The following ARHGEF3 variants were observed in gnomAD, a reference collection of about 807,000 sequenced individuals.
ARHGEF3 encodes 59.8 kDA protein.
A neutral mutation model predicts 63.2 loss-of-function variants in ARHGEF3; 28 were observed. The observed-to-expected ratio is 0.44, with a 90% confidence interval of 0.33 to 0.61. The LOEUF (loss-of-function observed/expected upper bound fraction) is 0.61. Ranked by LOEUF, ARHGEF3 falls within the 20% of genes least tolerant of loss-of-function variation. ARHGEF3 has a pLI of 0.03. For missense variants in ARHGEF3, 533 were observed against 659.3 expected (o/e 0.81, Z 2.10); for synonymous variants, 266 against 254.2 (o/e 1.05, Z -0.44).
At chr3:56,783,969 T>A (rs1290037485) in intron 1 of ARHGEF3, among the ~76,000 whole-genome samples, 1 of 152,242 alleles carries the variant, frequency 6.6e-6, no homozygotes, top group Middle Eastern at 3.2e-3. Flanking sequence ...TACTTAACCT[T>A]GGGCAGAGGG....
intron 4 of ARHGEF3, among the ~76,000 whole-genome samples, chr3:56,848,151 T>C (rs2039551162): frequency 6.6e-6 from 1 of 152,110 alleles, no homozygotes; most frequent in Non-Finnish European, 1.5e-5. Flanking sequence ...TATCTGTGGA[T>C]TAAATGATAG....
chr3:56,829,954 G>T (rs1347242796), intron 4 of ARHGEF3, among the ~76,000 whole-genome samples: 1 of 152,162 alleles, frequency 6.6e-6, no homozygotes, highest in East Asian at 1.9e-4. Flanking sequence ...AGACAGTTTA[G>T]GATTTACTAT....
intron 2 of ARHGEF3, among the ~76,000 whole-genome samples, chr3:57,021,731 G>A (rs1221335722): frequency 2.1e-5 from 3 of 145,102 alleles, no homozygotes; most frequent in Non-Finnish European, 3.0e-5. Context: ...CCAGCCTGGC[G>A]ACAGAGGAAG....
intron 4 of ARHGEF3, among the ~76,000 whole-genome samples, chr3:56,833,938 T>C (rs1201272911): frequency 6.8e-6 from 1 of 146,478 alleles, no homozygotes; most frequent in Non-Finnish European, 1.5e-5. Context: ...ATTTTTACTC[T>C]TGTCACCCAG....
chr3:56,803,963 C>A (rs1191611507), upstream of ARHGEF3, among the ~76,000 whole-genome samples: 2 of 151,156 alleles, frequency 1.3e-5, no homozygotes, highest in African/African-American at 2.4e-5. Flanking sequence ...TGGCTCACTG[C>A]AACCTTCTCC....
chr3:56,911,991 A>G (rs1367494263), intron 3 of ARHGEF3, among the ~76,000 whole-genome samples: 1 of 151,672 alleles, frequency 6.6e-6, no homozygotes, highest in Non-Finnish European at 1.5e-5. Context: ...ACACATATAT[A>G]TATACATATA....
At chr3:56,780,475 T>C (rs2036513690) in intron 1 of ARHGEF3, among the ~76,000 whole-genome samples, 1 of 152,220 alleles carries the variant, frequency 6.6e-6, no homozygotes, top group African/African-American at 2.4e-5. Flanking sequence ...ACTAAGAAAT[T>C]AACATTGGGG....
At chr3:56,814,293 T>A (rs888057684) in intron 4 of ARHGEF3, among the ~76,000 whole-genome samples, 2 of 151,858 alleles carry the variant, frequency 1.3e-5, no homozygotes, top group African/African-American at 2.4e-5. Flanking sequence ...GTTATGAGAC[T>A]TTTTTTTGCG....
intron 7 of ARHGEF3, among the ~76,000 whole-genome samples, chr3:56,740,057 G>A (rs1252494484): frequency 2.6e-5 from 4 of 151,828 alleles, no homozygotes; most frequent in Admixed American, 6.6e-5. Context: ...CTGCCACCAC[G>A]CCCAGCTAAT....
intron 1 of ARHGEF3, chr3:57,074,340 C>A (rs1044158206): frequency 7.5e-7 from 1 of 1,336,528 alleles, no homozygotes; most frequent in Non-Finnish European, 1.0e-6. Context: ...TATGCCCTCC[C>A]TTCCATCCCC....
chr3:56,858,982 G>T (rs2039975993), intron 4 of ARHGEF3, among the ~76,000 whole-genome samples: 1 of 152,062 alleles, frequency 6.6e-6, no homozygotes, highest in Non-Finnish European at 1.5e-5. Context: ...TTTTTAAATG[G>T]CGAAGACAAA....
chr3:57,034,042 T>C (rs1206721237), intron 2 of ARHGEF3, among the ~76,000 whole-genome samples: 1 of 151,948 alleles, frequency 6.6e-6, no homozygotes, highest in Non-Finnish European at 1.5e-5. Flanking sequence ...AAAAACTCTG[T>C]CTCAAAGAAA....
upstream of ARHGEF3, among the ~76,000 whole-genome samples, chr3:56,803,183 T>C (rs2037735458): frequency 6.6e-6 from 1 of 152,166 alleles, no homozygotes; most frequent in African/African-American, 2.4e-5. Context: ...TTAAAGATAG[T>C]GAACAAAAGG....
intron 3 of ARHGEF3, among the ~76,000 whole-genome samples, chr3:56,887,627 G>C (rs1393615801): frequency 6.6e-6 from 1 of 152,208 alleles, no homozygotes; most frequent in Non-Finnish European, 1.5e-5. Flanking sequence ...TCCCAGGCAG[G>C]AAGGGCACTG....
At chr3:56,867,476 TTTA>T (rs1210013699) in intron 4 of ARHGEF3, among the ~76,000 whole-genome samples, 2 of 151,828 alleles carry the variant, frequency 1.3e-5, no homozygotes, top group African/African-American at 2.4e-5. Flanking sequence ...TATTTATTTA[TTTA>T]TTTATTTTTT....
chr3:56,835,823 T>C (rs2039088671), intron 4 of ARHGEF3, among the ~76,000 whole-genome samples: 1 of 152,074 alleles, frequency 6.6e-6, no homozygotes, highest in African/African-American at 2.4e-5. Flanking sequence ...TGTGGCTGAG[T>C]CACCCATGGT....
chr3:56,801,570 GA>G, intron 1 of ARHGEF3, 132 bp downstream of exon 1: 1 of 1,214,588 alleles, frequency 8.2e-7, no homozygotes, highest in Non-Finnish European at 1.1e-6. Context: ...TGTAGAGAGA[GA>G]AAGTGGCACA....
intron 2 of ARHGEF3, among the ~76,000 whole-genome samples, chr3:57,024,781 C>T (rs1703404504): frequency 6.6e-6 from 1 of 152,234 alleles, no homozygotes; most frequent in Non-Finnish European, 1.5e-5. Context: ...GCCACCGCGC[C>T]CGGCCAAGAG....
At chr3:56,737,680 G>A (rs998657237) in intron 7 of ARHGEF3, among the ~76,000 whole-genome samples, 3 of 152,076 alleles carry the variant, frequency 2.0e-5, no homozygotes, top group Non-Finnish European at 2.9e-5. Context: ...CTTAAAACGT[G>A]CTCACAATGT....
Sources: allele counts gnomAD v4.1 joint callset (sites outside exome capture counted in the v4.1 genomes callset), GRCh38; gene constraint gnomAD v4.1.1; transcripts MANE v1.5; gene names NCBI Gene and HGNC (gene_info 2026-07-23, HGNC 2026-07-21).